NOS1AP: variants seen among roughly 807,000 people sequenced by gnomAD.
NOS1AP encodes nitric oxide synthase 1 adaptor protein, also known as carboxyl-terminal PDZ ligand of neuronal nitric oxide synthase protein.
In NOS1AP, 21 loss-of-function variants were observed where a neutral mutation model predicts 56.2. That is an observed-to-expected ratio of 0.37 (90% confidence interval 0.26 to 0.54). The LOEUF is 0.54. Ranked by LOEUF, NOS1AP falls within the 20% of genes least tolerant of loss-of-function variation. The pLI is 0.84. For synonymous variants in NOS1AP, 270 were observed against 274.6 expected (o/e 0.98, Z 0.17); for missense variants, 522 against 657.8 (o/e 0.79, Z 2.26).
At chr1:162,358,862 T>C (rs1657792009) in intron 8 of NOS1AP, among the ~76,000 whole-genome samples, 1 of 152,226 alleles carries the variant, frequency 6.6e-6, no homozygotes, top group Non-Finnish European at 1.5e-5. Flanking sequence ...AAGTCACTGC[T>C]AAGTACTAGA....
At chr1:162,299,425 A>G (rs1655571791) in intron 3 of NOS1AP, among the ~76,000 whole-genome samples, 1 of 152,318 alleles carries the variant, frequency 6.6e-6, no homozygotes, top group South Asian at 2.1e-4. Flanking sequence ...AGACTTGTCT[A>G]GTGAGGGATG....
At chr1:162,081,775 T>TATATATAGATACATATATATATATATA (rs1553254645) in intron 1 of NOS1AP, among the ~76,000 whole-genome samples, 1 of 19,520 alleles carries the variant, frequency 5.1e-5, no homozygotes, top group African/African-American at 8.7e-5. Flanking sequence ...TATATATATA[T>TATATATAGATACATATATATATATATA]TTTTTTTTTG....
intron 2 of NOS1AP, among the ~76,000 whole-genome samples, chr1:162,200,598 T>C (rs1219339324): frequency 6.6e-6 from 1 of 152,198 alleles, no homozygotes; most frequent in East Asian, 1.9e-4. Context: ...CATCCTTCTC[T>C]GAGGGTTTGG....
chr1:162,209,554 A>G (rs2101645110), intron 2 of NOS1AP, among the ~76,000 whole-genome samples: 1 of 152,294 alleles, frequency 6.6e-6, no homozygotes, highest in Non-Finnish European at 1.5e-5. Context: ...CCTGGGTTTC[A>G]TCTGTGAAGG....
At chr1:162,300,173 C>A (rs763041749) in intron 3 of NOS1AP, among the ~76,000 whole-genome samples, 8 of 152,228 alleles carry the variant, frequency 5.3e-5, no homozygotes, top group African/African-American at 7.2e-5. Flanking sequence ...GCCCCCCACA[C>A]TGGGGTGCTT....
At chr1:162,352,015 C>G (rs931702621) in intron 6 of NOS1AP, among the ~76,000 whole-genome samples, 1 of 152,096 alleles carries the variant, frequency 6.6e-6, no homozygotes, top group Non-Finnish European at 1.5e-5. Context: ...CCTCTTGACT[C>G]TGCTAGCTGC....
intron 2 of NOS1AP, among the ~76,000 whole-genome samples, chr1:162,250,377 T>A (rs1333419100): frequency 6.6e-6 from 1 of 152,164 alleles, no homozygotes; most frequent in Non-Finnish European, 1.5e-5. Flanking sequence ...AAAAAGAATA[T>A]CCACTGATAG....
intron 1 of NOS1AP, among the ~76,000 whole-genome samples, chr1:162,074,750 A>C (rs540096515): frequency 6.6e-6 from 1 of 152,236 alleles, no homozygotes; most frequent in East Asian, 1.9e-4. Flanking sequence ...TGGATCACTC[A>C]CTTTGCTGCA....
chr1:162,364,835 C>T, intron 8 of NOS1AP: 2 of 989,684 alleles, frequency 2.0e-6, no homozygotes, highest in Non-Finnish European at 2.4e-6. Context: ...TTTAAAAAGC[C>T]ATGTGTAGTG....
chr1:162,229,329 C>T (rs1321875777), intron 2 of NOS1AP, among the ~76,000 whole-genome samples: 1 of 152,118 alleles, frequency 6.6e-6, no homozygotes, highest in African/African-American at 2.4e-5. Flanking sequence ...AGAGGAAACC[C>T]TGGAGTAAGA....
intron 4 of NOS1AP, among the ~76,000 whole-genome samples, chr1:162,308,922 G>A (rs933106748): frequency 2.0e-5 from 3 of 152,018 alleles, no homozygotes; most frequent in South Asian, 2.1e-4. Context: ...CAGTGATATC[G>A]GGCAACCTCC....
chr1:162,078,250 C>G (rs948330573), intron 1 of NOS1AP, among the ~76,000 whole-genome samples: 13 of 152,180 alleles, frequency 8.5e-5, no homozygotes, highest in Admixed American at 5.2e-4. Flanking sequence ...GTCATCTGTA[C>G]CTGAATGTGT....
chr1:162,137,864 A>G (rs1213992823), intron 1 of NOS1AP, among the ~76,000 whole-genome samples: 1 of 152,104 alleles, frequency 6.6e-6, no homozygotes, highest in Non-Finnish European at 1.5e-5. Context: ...AGGAATCCAC[A>G]GACAGAGCAA....
intron 4 of NOS1AP, among the ~76,000 whole-genome samples, chr1:162,315,610 G>A (rs1410166082): frequency 2.6e-5 from 4 of 152,182 alleles, no homozygotes; most frequent in Admixed American, 2.6e-4. Context: ...AAAAAGCTGG[G>A]TTATCTGCAA....
intron 2 of NOS1AP, among the ~76,000 whole-genome samples, chr1:162,162,036 C>T (rs1650248505): frequency 1.3e-5 from 2 of 152,260 alleles, no homozygotes; most frequent in African/African-American, 4.8e-5. Flanking sequence ...GAGAGTTCTC[C>T]ATAAGAATTT....
At chr1:162,338,505 A>G (rs967099547) in intron 5 of NOS1AP, 1 of 152,248 alleles carries the variant, frequency 6.6e-6, no homozygotes, top group South Asian at 2.1e-4. Flanking sequence ...AGTGCCCAAA[A>G]TTATTTATCA....
At chr1:162,077,895 C>G (rs1417029386) in intron 1 of NOS1AP, among the ~76,000 whole-genome samples, 2 of 152,178 alleles carry the variant, frequency 1.3e-5, no homozygotes, top group Non-Finnish European at 2.9e-5. Context: ...TTCATTCAGT[C>G]CCTGGCCACT....
chr1:162,275,852 C>G (rs1411722837), intron 2 of NOS1AP, among the ~76,000 whole-genome samples: 1 of 152,162 alleles, frequency 6.6e-6, no homozygotes, highest in East Asian at 1.9e-4. Flanking sequence ...AGTGGTTGTG[C>G]TTGGTAATGC....
chr1:162,274,526 T>C (rs1423343371), intron 2 of NOS1AP, among the ~76,000 whole-genome samples: 1 of 152,246 alleles, frequency 6.6e-6, no homozygotes, highest in Non-Finnish European at 1.5e-5. Context: ...TTATCTATTC[T>C]AATATGTATA....
Sources: gnomAD v4.1 joint callset for allele counts (sites outside exome capture counted in the v4.1 genomes callset) on GRCh38, gnomAD v4.1.1 for gene constraint, MANE v1.5 for transcripts, NCBI Gene and HGNC (gene_info 2026-07-23, HGNC 2026-07-21) for gene names.